IWS1: variants seen among roughly 807,000 people sequenced by gnomAD.
IWS1 encodes protein IWS1 homolog.
A neutral mutation model predicts 86.7 loss-of-function variants in IWS1; 27 were observed. The ratio of observed to expected loss-of-function variants is 0.31; its 90% CI spans 0.23 to 0.43. IWS1 has a LOEUF of 0.43. Among genes scored for constraint, IWS1 ranks in the 20% least tolerant of loss-of-function variants. The pLI is 1.00. For missense variants in IWS1, 827 were observed against 1,000.8 expected (o/e 0.83, Z 2.34); for synonymous variants, 313 against 335.1 (o/e 0.93, Z 0.72).
intron 12 of IWS1, among the ~76,000 whole-genome samples, chr2:127,486,973 C>T (rs1689963540): frequency 6.6e-6 from 1 of 152,138 alleles, no homozygotes; most frequent in South Asian, 2.1e-4. Flanking sequence ...GCTAGTCCCG[C>T]CCGCATGACT....
At chr2:127,488,615 G>A (rs1260646232) in intron 12 of IWS1, among the ~76,000 whole-genome samples, 3 of 152,182 alleles carry the variant, frequency 2.0e-5, no homozygotes, top group Admixed American at 6.5e-5. Flanking sequence ...CCTACATGAT[G>A]CCATTGGCAT....
rs1243711456 is a variant in IWS1, at chr2:127,486,538, C to A, written c.2328+15G>T. On this transcript the variant is annotated intron_variant, in intron 13 of 13. Transcript: ENST00000295321. ...TGCAGGTGAGATCCACCTTGCCGAT[C>A]CTCCGCTTGCTTACCCTGGATGACT... 4 of 1,579,370 alleles carry A rather than the reference C, an allele frequency of 2.5e-6. No individual in the cohort carries two copies. In the African/African-American group the frequency reaches 5.4e-5, roughly 21 times the overall value.
upstream of IWS1, chr2:127,526,717 G>A: frequency 5.4e-6 from 7 of 1,297,940 alleles, no homozygotes; most frequent in Non-Finnish European, 7.1e-6. Flanking sequence ...TTCTGTGTCC[G>A]TGCCTTGTTT....
In IWS1 at chr2:127,492,099, T is replaced by C. The variant is rs1289918033; in HGVS notation, c.1930-11A>G. ...GCTCACACTAGGCAGCTGGGGAACA[T>C]AAACACATACACACATATTAATCAC... On this transcript the variant is annotated splice_polypyrimidine_tract_variant and intron_variant, in intron 9 of 13. Transcript: ENST00000295321. The C allele has an allele frequency of 2.6e-6, 4 of 1,549,988 alleles. No homozygotes were observed. The highest frequency in any genetic ancestry group is 3.6e-6 in the Non-Finnish European group (4 of 1,121,694).
intron 12 of IWS1, chr2:127,487,863 T>C (rs1558740594): frequency 6.6e-6 from 1 of 152,504 alleles, no homozygotes; most frequent in South Asian, 2.1e-4. Context: ...CTTAAACTTT[T>C]ATAACCTTCA....
chr2:127,497,951 G>A (rs1425571227), intron 6 of IWS1, among the ~76,000 whole-genome samples, 189 bp downstream of exon 6: 5 of 152,174 alleles, frequency 3.3e-5, no homozygotes, highest in Non-Finnish European at 7.4e-5. Context: ...AGACATCTGA[G>A]CACAGGGTAA....
chr2:127,526,439 C>CGA lies in IWS1; in HGVS notation c.-233_-232dup. On this transcript the variant is annotated 5_prime_UTR_variant, in exon 1 of 14. Transcript: ENST00000295321. ...GCAGGCTGGCGGGCGGGCAGGCATG[C>CGA]GAGCCGGCGTTCTACTTCCTAGAAG... The CGA allele has an allele frequency of 6.5e-7, 1 of 1,534,018 alleles. No homozygotes were observed. The highest frequency in any genetic ancestry group is 8.7e-7 in the Non-Finnish European group (1 of 1,142,962).
chr2:127,495,787 T>C (rs1196308449), intron 7 of IWS1, among the ~76,000 whole-genome samples: 3 of 152,226 alleles, frequency 2.0e-5, no homozygotes, highest in African/African-American at 7.2e-5. Context: ...CTAAAACGTT[T>C]CATTTTACTG....
chr2:127,517,270 T>C (rs1691826529), intron 2 of IWS1, among the ~76,000 whole-genome samples: 1 of 152,066 alleles, frequency 6.6e-6, no homozygotes, highest in Non-Finnish European at 1.5e-5. Context: ...CACAGGTAAC[T>C]CCACGAGACC....
intron 13 of IWS1, among the ~76,000 whole-genome samples, chr2:127,483,909 T>C (rs1437642337): frequency 2.0e-5 from 3 of 152,186 alleles, no homozygotes; most frequent in Non-Finnish European, 4.4e-5. Flanking sequence ...ATCAAACTGC[T>C]TTTGAATGCT....
intron 2 of IWS1, among the ~76,000 whole-genome samples, chr2:127,517,557 C>A (rs1185073953): frequency 2.0e-5 from 3 of 151,984 alleles, no homozygotes; most frequent in Non-Finnish European, 4.4e-5. Flanking sequence ...AAAACTACAC[C>A]CCAAAAAGTC....
intron 3 of IWS1, 121 bp from the exon 4 acceptor site, chr2:127,503,697 TAAATAAATA>T (rs1384767829): frequency 2.2e-5 from 8 of 355,668 alleles, no homozygotes; most frequent in East Asian, 1.1e-4. Context: ...AATAAATAAA[TAAATAAATA>T]AAATAAAATC....
rs1378903062 is a variant in IWS1, at chr2:127,504,670, A to C, written c.1219+14T>G. ...AATAAAGCCATTGATAAACAGCCCAAGGTAACTCCTTACATGCTTTCTCTT... is the reference window on the plus strand; with the variant it reads ...AATAAAGCCATTGATAAACAGCCCACGGTAACTCCTTACATGCTTTCTCTT... On this transcript the variant is annotated intron_variant, in intron 3 of 13. Coordinates refer to ENST00000295321, the MANE Select transcript of IWS1 (RefSeq NM_017969.3). 2.6e-6 allele frequency: 4 copies of C among 1,565,668 alleles called. No individual in the cohort carries two copies. The highest frequency in any genetic ancestry group is 3.5e-6 in the Non-Finnish European group (4 of 1,153,104).
chr2:127,487,678 G>T (rs771318910), intron 12 of IWS1, among the ~76,000 whole-genome samples: 2 of 152,132 alleles, frequency 1.3e-5, no homozygotes, highest in Non-Finnish European at 2.9e-5. Flanking sequence ...AGCCTACAAA[G>T]TAGCTGGGAC....
At chr2:127,508,797 C>T (rs1018509024) in intron 2 of IWS1, among the ~76,000 whole-genome samples, 1 of 152,144 alleles carries the variant, frequency 6.6e-6, no homozygotes, top group East Asian at 1.9e-4. Context: ...ACTTAACTGG[C>T]CAAGGCAATA....
chr2:127,498,012 G>C, intron 6 of IWS1, 128 bp downstream of exon 6: 1 of 645,538 alleles, frequency 1.5e-6, no homozygotes. Context: ...ACCGTAAATG[G>C]AGAAAAACAG....
intron 2 of IWS1, among the ~76,000 whole-genome samples, chr2:127,512,945 G>A (rs150698066): frequency 2.4e-3 from 371 of 152,282 alleles, no homozygotes; most frequent in African/African-American, 8.1e-3. Context: ...CCAATCTAAA[G>A]ATTTAATTAT....
At chr2:127,501,989 G>A (rs185663383) in intron 5 of IWS1, among the ~76,000 whole-genome samples, 190 of 152,146 alleles carry the variant, frequency 1.2e-3, no homozygotes, top group Non-Finnish European at 1.2e-3. Context: ...ACATATTTAA[G>A]GTGGTATCTA....
chr2:127,509,207 C>G (rs1252893896), intron 2 of IWS1, among the ~76,000 whole-genome samples: 3 of 152,052 alleles, frequency 2.0e-5, no homozygotes, highest in Non-Finnish European at 4.4e-5. Context: ...GTTATCAAAA[C>G]AATATCCAAA....
Sources: allele counts gnomAD v4.1 joint callset (sites outside exome capture counted in the v4.1 genomes callset), GRCh38; gene constraint gnomAD v4.1.1; transcripts MANE v1.5; gene names NCBI Gene and HGNC (gene_info 2026-07-23, HGNC 2026-07-21).